Variants in MYT1L observed in about 807,000 individuals in gnomAD.
MYT1L encodes the protein myelin transcription factor 1 like.
A neutral mutation model predicts 126.7 loss-of-function variants in MYT1L; 12 were observed. The observed-to-expected ratio is 0.09, with a 90% CI of 0.06 to 0.15. MYT1L has a LOEUF of 0.15. Ranked by LOEUF, MYT1L falls within the 10% of genes least tolerant of loss-of-function variation. The pLI is 1.00. For missense variants in MYT1L, 979 were observed against 1,585.2 expected (o/e 0.62, Z 6.49); for synonymous variants, 541 against 604.2 (o/e 0.90, Z 1.53).
chr2:2,252,080 T>C (rs1289401503), intron 2 of MYT1L, among the ~76,000 whole-genome samples: 1 of 152,148 alleles, frequency 6.6e-6, no homozygotes, highest in Non-Finnish European at 1.5e-5. Context: ...CAGCTGTCCT[T>C]GTTACCGAAT....
intron 4 of MYT1L, among the ~76,000 whole-genome samples, chr2:2,016,727 C>T (rs2064444956): frequency 6.6e-6 from 1 of 152,344 alleles, no homozygotes; most frequent in East Asian, 1.9e-4. Flanking sequence ...AAAAGCAAAA[C>T]ATATATAAAT....
intron 8 of MYT1L, among the ~76,000 whole-genome samples, chr2:1,948,868 G>A (rs537213958): frequency 1.1e-4 from 16 of 152,266 alleles, no homozygotes; most frequent in African/African-American, 3.9e-4. Flanking sequence ...ACAGAATGAT[G>A]TTTACTCACA....
intron 4 of MYT1L, among the ~76,000 whole-genome samples, chr2:2,043,527 G>A (rs2067801868): frequency 6.6e-6 from 1 of 152,144 alleles, no homozygotes; most frequent in South Asian, 2.1e-4. Context: ...GACAGTCCCG[G>A]CCACAACTGC....
intron 18 of MYT1L, among the ~76,000 whole-genome samples, chr2:1,884,588 T>C (rs930240727): frequency 6.6e-6 from 1 of 152,270 alleles, no homozygotes; most frequent in East Asian, 1.9e-4. Flanking sequence ...GATGCTTGAT[T>C]GAAATTCTTA....
intron 1 of MYT1L, among the ~76,000 whole-genome samples, chr2:2,305,228 A>G (rs1251077209): frequency 6.6e-6 from 1 of 152,190 alleles, no homozygotes; most frequent in East Asian, 1.9e-4. Flanking sequence ...CATTTAATGT[A>G]AAGGATACTA....
intron 5 of MYT1L, among the ~76,000 whole-genome samples, chr2:1,981,304 A>G (rs1051365661): frequency 6.6e-6 from 1 of 152,228 alleles, no homozygotes; most frequent in African/African-American, 2.4e-5. Flanking sequence ...ATATATGGAC[A>G]TAATGATGTG....
intron 8 of MYT1L, among the ~76,000 whole-genome samples, chr2:1,973,128 A>G (rs932902774): frequency 6.6e-6 from 1 of 152,214 alleles, no homozygotes; most frequent in African/African-American, 2.4e-5. Context: ...AGGCCTTACT[A>G]GGAATTTCCT....
intron 3 of MYT1L, among the ~76,000 whole-genome samples, chr2:2,079,552 T>A (rs541176269): frequency 6.6e-6 from 1 of 152,320 alleles, no homozygotes; most frequent in Non-Finnish European, 1.5e-5. Flanking sequence ...ACGCCTGTAA[T>A]CCCAGCACTG....
At chr2:2,179,428 G>A (rs539241231) in intron 2 of MYT1L, among the ~76,000 whole-genome samples, 5 of 152,218 alleles carry the variant, frequency 3.3e-5, no homozygotes, top group South Asian at 2.1e-4. Flanking sequence ...CTCCCTTCAC[G>A]CTGAGAGTGG....
At chr2:1,936,375 T>C (rs2055885741) in intron 9 of MYT1L, among the ~76,000 whole-genome samples, 2 of 152,254 alleles carry the variant, frequency 1.3e-5, no homozygotes, top group African/African-American at 4.8e-5. Context: ...TTTAAAATCA[T>C]ATATTGACAC....
chr2:2,016,412 G>A (rs936022182), intron 4 of MYT1L, among the ~76,000 whole-genome samples: 2 of 152,214 alleles, frequency 1.3e-5, no homozygotes, highest in Non-Finnish European at 2.9e-5. Context: ...CCAAAGCAAA[G>A]CCCTTTGGAA....
At chr2:2,292,111 C>G (rs1320466570) in intron 1 of MYT1L, among the ~76,000 whole-genome samples, 3 of 152,196 alleles carry the variant, frequency 2.0e-5, no homozygotes, top group East Asian at 1.9e-4. Context: ...AAGGAATCTT[C>G]CCAGGCAAAA....
At chr2:2,048,368 A>C (rs951496111) in intron 4 of MYT1L, among the ~76,000 whole-genome samples, 1 of 152,216 alleles carries the variant, frequency 6.6e-6, no homozygotes, top group Non-Finnish European at 1.5e-5. Flanking sequence ...TCAGGCTTAG[A>C]AAGTTTCCTA....
At chr2:2,008,657 T>A (rs898613761) in intron 4 of MYT1L, among the ~76,000 whole-genome samples, 5 of 152,210 alleles carry the variant, frequency 3.3e-5, no homozygotes, top group Admixed American at 1.3e-4. Flanking sequence ...ATATTGTTTC[T>A]TTGGCTGTGC....
intron 3 of MYT1L, among the ~76,000 whole-genome samples, chr2:2,073,485 T>C (rs1196824117): frequency 6.6e-6 from 1 of 152,068 alleles, no homozygotes; most frequent in East Asian, 1.9e-4. Flanking sequence ...GGCTTTCCTC[T>C]CTCTCCTACG....
intron 1 of MYT1L, among the ~76,000 whole-genome samples, chr2:2,295,931 T>C (rs1475261655): frequency 1.1e-5 from 1 of 88,848 alleles, no homozygotes; most frequent in Admixed American, 1.3e-4. Context: ...GAGAGAGAGG[T>C]TGGGGGGGAG....
At position 1,922,452 on chromosome 2, in the gene MYT1L, A is replaced by G; in HGVS notation, c.1317T>C (p.Ala439=). The change falls in exon 10 of 25, where the codon GCT becomes GCC. Residue 439 remains alanine, a synonymous_variant. Transcript: ENST00000647738. The surrounding 1 kb of genome is among the most constrained non-coding windows in gnomAD (Gnocchi z 7.4). ...GNLTLLEKAI[A]LETERAKAMR... is the part of the protein sequence containing the mutation. Reference sequence around the variant, plus strand: ...TGGCCTTTGCTCTTTCCGTTTCCAAAGCGATGGCTTTCTCCAGCAGGGTCA... The same window carrying G: ...TGGCCTTTGCTCTTTCCGTTTCCAAGGCGATGGCTTTCTCCAGCAGGGTCA... 1 of 1,613,798 alleles carries G rather than the reference A, an allele frequency of 6.2e-7. No individual in the cohort carries two copies. Among genetic ancestry groups the G allele is most frequent in the Non-Finnish European group, 8.5e-7 (1 of 1,179,854 alleles).
At chr2:1,958,412 G>A (rs755974920) in intron 8 of MYT1L, among the ~76,000 whole-genome samples, 2 of 151,196 alleles carry the variant, frequency 1.3e-5, no homozygotes, top group African/African-American at 2.4e-5. Context: ...CCCAGGGAGC[G>A]GGAGGACGAG....
chr2:2,134,127 C>T (rs1403989825), intron 3 of MYT1L, among the ~76,000 whole-genome samples: 1 of 152,240 alleles, frequency 6.6e-6, no homozygotes, highest in South Asian at 2.1e-4. Context: ...TCCATTTGCC[C>T]TCGAGTGCAC....
Sources: gnomAD v4.1 joint callset for allele counts (sites outside exome capture counted in the v4.1 genomes callset) on GRCh38, gnomAD v4.1.1 for gene constraint, Gnocchi (gnomAD v3.1) non-coding constraint, MANE v1.5 for transcripts, NCBI Gene and HGNC (gene_info 2026-07-23, HGNC 2026-07-21) for gene names.